The following CD86 variants were observed in gnomAD, a reference collection of about 807,000 sequenced individuals.
CD86 encodes CD86 molecule, also known as T-lymphocyte activation antigen CD86.
Under a neutral mutation model 32.1 loss-of-function variants are expected in CD86, and 11 were observed. That is an observed-to-expected ratio of 0.34 (90% confidence interval 0.22 to 0.57). The LOEUF (loss-of-function observed/expected upper bound fraction) is 0.57, where lower values mean the gene tolerates loss of function less well. Ranked by LOEUF, CD86 falls within the 20% of genes least tolerant of loss-of-function variation. CD86 has a pLI of 0.86. For missense variants in CD86, 359 were observed against 398.4 expected, an observed-to-expected ratio of 0.90 and a Z score of 0.84; for synonymous variants, 137 against 135.3, an observed-to-expected ratio of 1.01 and a Z score of -0.09.
intron 1 of CD86, among the ~76,000 whole-genome samples, chr3:122,074,644 T>C (rs1339649074): frequency 1.3e-5 from 2 of 152,048 alleles, no homozygotes; most frequent in Non-Finnish European, 2.9e-5. Flanking sequence ...CTCCCACGGG[T>C]TTCTGGCTCT....
At chr3:122,071,274 G>A (rs1477480875) in intron 1 of CD86, among the ~76,000 whole-genome samples, 1 of 152,052 alleles carries the variant, frequency 6.6e-6, no homozygotes, top group African/African-American at 2.4e-5. Context: ...CCTGTGCTCT[G>A]CCTGTTGACC....
intron 2 of CD86, among the ~76,000 whole-genome samples, chr3:122,103,230 C>A (rs540369788): frequency 1.3e-5 from 2 of 151,926 alleles, no homozygotes; most frequent in South Asian, 4.2e-4. Flanking sequence ...ACTAGAAAGA[C>A]CCTTGGAACA....
At chr3:122,096,594 A>G (rs1449375253) in intron 2 of CD86, among the ~76,000 whole-genome samples, 1 of 152,234 alleles carries the variant, frequency 6.6e-6, no homozygotes, top group Non-Finnish European at 1.5e-5. Flanking sequence ...ATCCAACACT[A>G]ACTCAAATAT....
At chr3:122,079,418 C>T (rs546239924) in intron 1 of CD86, among the ~76,000 whole-genome samples, 2 of 152,224 alleles carry the variant, frequency 1.3e-5, no homozygotes, top group South Asian at 4.1e-4. Context: ...AAAAATCAGA[C>T]TGAGGTGGGA....
chr3:122,095,177 T>C (rs1445707347), intron 2 of CD86, among the ~76,000 whole-genome samples: 2 of 151,202 alleles, frequency 1.3e-5, no homozygotes, highest in African/African-American at 4.9e-5. Context: ...TAAGATTTTT[T>C]TTTTTTTTTT....
chr3:122,103,722 G>T lies in CD86; in HGVS notation c.275G>T (p.Ser92Ile). ...YMGRTSFDSDSWTLRLHNLQI... is the reference protein window; with the variant it reads ...YMGRTSFDSDIWTLRLHNLQI... ...GGCCGCACAAGTTTTGATTCGGACA[G>T]TTGGACCCTGAGACTTCACAATCTT... is the stretch of plus-strand genomic sequence containing the variant. Residue 92 changes from serine (S) to isoleucine (I), a missense_variant, in exon 3 of 7, where the codon AGT becomes ATT. Transcript: ENST00000330540. 6.2e-7 allele frequency: 1 copy of T among 1,614,086 alleles called. No homozygotes were observed. The highest frequency in any genetic ancestry group is 8.5e-7 in the Non-Finnish European group (1 of 1,179,944).
chr3:122,081,689 T>C (rs2072636508), intron 1 of CD86, among the ~76,000 whole-genome samples: 1 of 152,234 alleles, frequency 6.6e-6, no homozygotes, highest in Non-Finnish European at 1.5e-5. Context: ...AGTATCAGAA[T>C]GAGTGGACTT....
chr3:122,086,582 C>A (rs746544232), intron 1 of CD86: 5 of 481,164 alleles, frequency 1.0e-5, no homozygotes, highest in African/African-American at 2.0e-5. Context: ...GCACCTGAAG[C>A]CTAAATCCAC....
chr3:122,080,518 T>C (rs2072618686), intron 1 of CD86, among the ~76,000 whole-genome samples: 1 of 152,138 alleles, frequency 6.6e-6, no homozygotes, highest in East Asian at 1.9e-4. Flanking sequence ...GCCTACAATA[T>C]TGGAAGGTGG....
intron 1 of CD86, among the ~76,000 whole-genome samples, chr3:122,087,544 C>T (rs779341565): frequency 6.6e-5 from 10 of 152,136 alleles, no homozygotes; most frequent in Admixed American, 2.0e-4. Context: ...GAGAGAAATT[C>T]TTCATATGGG....
intron 5 of CD86, among the ~76,000 whole-genome samples, chr3:122,112,335 T>A (rs899018477): frequency 6.6e-6 from 1 of 152,040 alleles, no homozygotes; most frequent in Admixed American, 6.6e-5. Context: ...TGTGTGTGTG[T>A]GAGACAGAGC....
rs540088100 is a variant in CD86 at position 122,057,537 on chromosome 3, A to G, written c.14+2034A>G. Among the ~76,000 whole-genome samples the G allele has an allele frequency of 2.6e-5, 4 of 152,382 alleles. No homozygotes were observed. In the South Asian group the frequency reaches 8.3e-4, roughly 32 times the overall value. On this transcript the variant is annotated intron_variant, in intron 1 of 6. Transcript: ENST00000330540. ...AACAATATTAATCAGAAATATAGGT[A>G]GTTTGTATTTTCTACTGTGTGCTTT...
intron 1 of CD86, among the ~76,000 whole-genome samples, chr3:122,088,708 C>G (rs1399074895): frequency 6.6e-6 from 1 of 152,180 alleles, no homozygotes; most frequent in African/African-American, 2.4e-5. Flanking sequence ...GAAATTGGAG[C>G]TCTTGTTCCA....
intron 1 of CD86, among the ~76,000 whole-genome samples, chr3:122,082,012 T>G (rs1257959237): frequency 6.6e-6 from 1 of 152,192 alleles, no homozygotes; most frequent in African/African-American, 2.4e-5. Flanking sequence ...CGATGGAGTG[T>G]CCAGATGTTC....
chr3:122,115,107 G>T (rs777676623), intron 5 of CD86, among the ~76,000 whole-genome samples: 1 of 152,136 alleles, frequency 6.6e-6, no homozygotes, highest in Non-Finnish European at 1.5e-5. Context: ...GATCATGCTT[G>T]TAGAAAATCC....
chr3:122,117,418 A>C (rs1432172532), intron 5 of CD86, among the ~76,000 whole-genome samples: 2 of 152,254 alleles, frequency 1.3e-5, no homozygotes, highest in Non-Finnish European at 2.9e-5. Context: ...CTTGTGGTCT[A>C]TAAATACCTC....
chr3:122,083,610 C>T (rs202186750), intron 1 of CD86, among the ~76,000 whole-genome samples: 2 of 152,140 alleles, frequency 1.3e-5, no homozygotes, highest in African/African-American at 2.4e-5. Flanking sequence ...GGAATTTGAG[C>T]GGGCCTTGGC....
intron 1 of CD86, among the ~76,000 whole-genome samples, chr3:122,089,257 C>T (rs1051212473): frequency 5.3e-5 from 8 of 152,136 alleles, no homozygotes; most frequent in African/African-American, 1.9e-4. Context: ...GTAGTGATGA[C>T]TGTACAACAA....
intron 1 of CD86, among the ~76,000 whole-genome samples, chr3:122,062,539 T>G (rs2715276): frequency 0.16 from 24,351 of 151,988 alleles, 2,109 homozygotes; most frequent in Non-Finnish European, 0.2. Context: ...TTTATAAGAG[T>G]TTTTTATAAC....
Sources: allele counts gnomAD v4.1 joint callset (sites outside exome capture counted in the v4.1 genomes callset), GRCh38; gene constraint gnomAD v4.1.1; transcripts MANE v1.5; gene names NCBI Gene and HGNC (gene_info 2026-07-23, HGNC 2026-07-21).